Variants in LMNTD1 observed in about 807,000 individuals in gnomAD.
LMNTD1 encodes the protein lamin tail domain containing 1, also known as lamin tail domain-containing protein 1.
Under a neutral mutation model 50.9 loss-of-function variants are expected in LMNTD1, and 35 were observed. The observed-to-expected ratio is 0.69, with a 90% CI of 0.53 to 0.91. The LOEUF (loss-of-function observed/expected upper bound fraction) is 0.91. Among genes scored for constraint, LMNTD1 ranks in the 40% least tolerant of loss-of-function variants. The pLI is 0.00. For missense variants in LMNTD1, 470 were observed against 475.5 expected, an observed-to-expected ratio of 0.99 and a Z score of 0.11; for synonymous variants, 153 against 161.9, an observed-to-expected ratio of 0.94 and a Z score of 0.42.
intron 2 of LMNTD1, among the ~76,000 whole-genome samples, chr12:25,552,072 GT>G (rs1943779650): frequency 6.6e-6 from 1 of 152,096 alleles, no homozygotes; most frequent in Non-Finnish European, 1.5e-5. Context: ...CATAGGACTT[GT>G]AGGTCCAAAG....
intron 3 of LMNTD1, chr12:25,547,277 G>T: frequency 1.9e-6 from 1 of 530,238 alleles, no homozygotes; most frequent in Non-Finnish European, 2.4e-6. Context: ...CTTGCATTTA[G>T]ACAGACTTGT....
At chr12:25,527,406 CATAGG>C (rs1274056211) in intron 4 of LMNTD1, among the ~76,000 whole-genome samples, 1 of 151,148 alleles carries the variant, frequency 6.6e-6, no homozygotes, top group Non-Finnish European at 1.5e-5. Context: ...TTTAAATAAA[CATAGG>C]ATGGTGTTTT....
intron 1 of LMNTD1, among the ~76,000 whole-genome samples, chr12:25,641,172 T>C (rs1946953150): frequency 6.6e-6 from 1 of 152,162 alleles, no homozygotes; most frequent in Admixed American, 6.5e-5. Flanking sequence ...ATAGAATAGA[T>C]CTGATAAGTG....
chr12:25,480,718 G>A (rs1938416845), intron 9 of LMNTD1, among the ~76,000 whole-genome samples: 1 of 152,080 alleles, frequency 6.6e-6, no homozygotes, highest in Admixed American at 6.6e-5. Context: ...TTCTAACAAG[G>A]CACTACCTTG....
chr12:25,588,303 G>A (rs1945602335), intron 1 of LMNTD1, among the ~76,000 whole-genome samples: 1 of 152,096 alleles, frequency 6.6e-6, no homozygotes, highest in African/African-American at 2.4e-5. Context: ...AGACGTAAGT[G>A]GAATTCGATG....
chr12:25,608,139 A>C (rs1167689641), intron 1 of LMNTD1, among the ~76,000 whole-genome samples: 1 of 152,036 alleles, frequency 6.6e-6, no homozygotes, highest in Non-Finnish European at 1.5e-5. Flanking sequence ...CTGTTTTGTC[A>C]GAGACTAGGA....
Position 25,483,350 on chromosome 12 carries a change from G to A in LMNTD1, c.*23-6890C>T, listed in dbSNP as rs191015037. Among the ~76,000 whole-genome samples, 10 of 152,038 alleles carry A rather than the reference G, an allele frequency of 6.6e-5. No homozygotes were observed. In the East Asian group the frequency reaches 1.5e-3, roughly 24 times the overall value. ...GAGGAGGGAGGATTGCTTGAGTTCA[G>A]GGGTTGAGGCTGCAGTGAGCTATGA... On this transcript the variant is annotated intron_variant, in intron 9 of 9. Transcript: ENST00000458174.
intron 9 of LMNTD1, among the ~76,000 whole-genome samples, chr12:25,498,876 A>G (rs952683670): frequency 1.3e-5 from 2 of 152,136 alleles, no homozygotes; most frequent in African/African-American, 4.8e-5. Context: ...AGACTTGGAT[A>G]TTATTGTCCT....
intron 8 of LMNTD1, among the ~76,000 whole-genome samples, chr12:25,504,573 G>GA (rs1019741710): frequency 1.3e-5 from 2 of 151,860 alleles, no homozygotes; most frequent in East Asian, 3.9e-4. Context: ...AGCTCCTTTG[G>GA]AAAAAAACAA....
At chr12:25,554,889 C>G (rs1290478537), upstream of LMNTD1, among the ~76,000 whole-genome samples, 2 of 151,994 alleles carry the variant, frequency 1.3e-5, no homozygotes, top group Non-Finnish European at 2.9e-5. Flanking sequence ...CATGATGAAA[C>G]CCCGTCTCTA....
At chr12:25,626,733 T>C (rs1946598029) in intron 1 of LMNTD1, among the ~76,000 whole-genome samples, 1 of 152,216 alleles carries the variant, frequency 6.6e-6, no homozygotes, top group Admixed American at 6.5e-5. Context: ...CATATTTATT[T>C]CTGGGCTGGG....
At chr12:25,529,385 C>A (rs959692562) in intron 4 of LMNTD1, among the ~76,000 whole-genome samples, 5 of 152,162 alleles carry the variant, frequency 3.3e-5, no homozygotes, top group Non-Finnish European at 1.5e-5. Flanking sequence ...TCCACAGAAA[C>A]AACTGACCAC....
At chr12:25,542,270 G>T in intron 4 of LMNTD1, among the ~76,000 whole-genome samples, 1 of 151,910 alleles carries the variant, frequency 6.6e-6, no homozygotes, top group Non-Finnish European at 1.5e-5. Context: ...ACACATGCAC[G>T]TGTATGTTTA....
chr12:25,520,192 T>C (rs1395983100), intron 6 of LMNTD1, 117 bp from the exon 7 acceptor site: 1 of 211,656 alleles, frequency 4.7e-6, no homozygotes, highest in African/African-American at 2.4e-5. Flanking sequence ...ATGGTTACTA[T>C]GGTGGAGCAA....
chr12:25,571,308 A>G (rs1344363070), intron 1 of LMNTD1, among the ~76,000 whole-genome samples: 1 of 152,052 alleles, frequency 6.6e-6, no homozygotes, highest in South Asian at 2.1e-4. Flanking sequence ...AGCTTCAGTC[A>G]CCATGGGGAT....
At chr12:25,488,792 A>T (rs1202833102) in intron 9 of LMNTD1, among the ~76,000 whole-genome samples, 1 of 152,124 alleles carries the variant, frequency 6.6e-6, no homozygotes, top group Non-Finnish European at 1.5e-5. Flanking sequence ...GATGATGGTG[A>T]TGTACAGATG....
chr12:25,541,038 C>G (rs1251347584), intron 4 of LMNTD1, among the ~76,000 whole-genome samples: 5 of 120,676 alleles, frequency 4.1e-5, no homozygotes, highest in East Asian at 4.8e-4. Context: ...AGGACCTCTT[C>G]AAGGAGAACT....
At chr12:25,488,350 C>G (rs1423931439) in intron 9 of LMNTD1, among the ~76,000 whole-genome samples, 3 of 113,646 alleles carry the variant, frequency 2.6e-5, no homozygotes, top group African/African-American at 6.7e-5. Context: ...TCTTTTTTCT[C>G]TAAACTTCCC....
rs916130035 is a variant in LMNTD1, at chr12:25,644,511, CA to C, written c.58+3982del. 2.6e-5 allele frequency among the ~76,000 whole-genome samples: 4 copies of C among 151,602 alleles called. No individual in the cohort carries two copies. In the South Asian group the frequency reaches 8.4e-4, roughly 32 times the overall value. On this transcript the variant is annotated intron_variant, in intron 1 of 7. Coordinates refer to the LMNTD1 transcript ENST00000445693. ...AAACATACAAACAAACGAACAACAA[CA>C]AAAAAATCCACACACACAGAAACAA...
Sources: gnomAD v4.1 joint callset for allele counts (sites outside exome capture counted in the v4.1 genomes callset) on GRCh38, gnomAD v4.1.1 for gene constraint, MANE v1.5 for transcripts, NCBI Gene and HGNC (gene_info 2026-07-23, HGNC 2026-07-21) for gene names.